PTPRD: variants seen among roughly 807,000 people sequenced by gnomAD.
PTPRD encodes the protein receptor-type tyrosine-protein phosphatase delta.
In PTPRD, 34 loss-of-function variants were observed where a neutral mutation model predicts 214.5. That is an observed-to-expected ratio of 0.16 (90% confidence interval 0.12 to 0.21). The LOEUF (loss-of-function observed/expected upper bound fraction) is 0.21, where lower values mean the gene tolerates loss of function less well. Ranked by LOEUF, PTPRD falls within the 10% of genes least tolerant of loss-of-function variation. The pLI is 1.00. For missense variants in PTPRD, 2,545 were observed against 2,398.7 expected (o/e 1.06, Z -1.27); for synonymous variants, 1,128 against 845.7 (o/e 1.33, Z -5.79).
intron 8 of PTPRD, among the ~76,000 whole-genome samples, chr9:9,555,267 A>G (rs895757393): frequency 1.3e-5 from 2 of 152,080 alleles, no homozygotes; most frequent in Non-Finnish European, 2.9e-5. Flanking sequence ...GGGCAGATAT[A>G]TGGCCACAGT....
At chr9:8,479,006 TAA>T (rs1349100123) in intron 30 of PTPRD, among the ~76,000 whole-genome samples, 17 of 152,286 alleles carry the variant, frequency 1.1e-4, no homozygotes, top group Admixed American at 1.1e-3. Flanking sequence ...TTCATCTAAA[TAA>T]AAGTTAGCAA....
chr9:9,462,072 T>G (rs1225485308), intron 8 of PTPRD, among the ~76,000 whole-genome samples: 1 of 152,156 alleles, frequency 6.6e-6, no homozygotes, highest in African/African-American at 2.4e-5. Context: ...ATCTATGTCT[T>G]GTTTGTTATT....
intron 7 of PTPRD, among the ~76,000 whole-genome samples, chr9:9,727,566 C>A (rs887863468): frequency 2.0e-5 from 3 of 152,152 alleles, no homozygotes; most frequent in African/African-American, 7.2e-5. Context: ...ATCACTCTTC[C>A]ATGTAGTCCA....
At chr9:8,591,056 C>A in intron 14 of PTPRD, among the ~76,000 whole-genome samples, 1 of 152,104 alleles carries the variant, frequency 6.6e-6, no homozygotes, top group South Asian at 2.1e-4. Context: ...TCAGAGCCAG[C>A]AAAGGCCAGC....
intron 10 of PTPRD, among the ~76,000 whole-genome samples, chr9:9,041,886 C>T (rs886611997): frequency 2.8e-4 from 43 of 152,120 alleles, no homozygotes; most frequent in African/African-American, 1.0e-3. Flanking sequence ...TTTACATTTC[C>T]CTTAGAATTA....
At chr9:9,172,107 C>T (rs2099921831) in intron 10 of PTPRD, among the ~76,000 whole-genome samples, 2 of 152,090 alleles carry the variant, frequency 1.3e-5, no homozygotes, top group Admixed American at 1.3e-4. Flanking sequence ...TCTTAGTACA[C>T]TAAGTATTCT....
At chr9:10,478,921 A>T (rs1346016191) in intron 2 of PTPRD, among the ~76,000 whole-genome samples, 2 of 152,000 alleles carry the variant, frequency 1.3e-5, no homozygotes, top group Non-Finnish European at 2.9e-5. Context: ...CTAAAATATA[A>T]ATCTATTTAT....
chr9:8,921,494 A>ATT (rs139667595), intron 11 of PTPRD, among the ~76,000 whole-genome samples: 1 of 147,830 alleles, frequency 6.8e-6, no homozygotes, highest in East Asian at 2.0e-4. Context: ...AAGTTTTCGC[A>ATT]TTTTTTTTTT....
At chr9:8,365,554 G>A (rs1282202286) in intron 39 of PTPRD, among the ~76,000 whole-genome samples, 1 of 152,130 alleles carries the variant, frequency 6.6e-6, no homozygotes, top group African/African-American at 2.4e-5. Flanking sequence ...TAGCCAGGCT[G>A]ATGAGCATGG....
At chr9:8,389,709 A>T (rs898873752) in intron 36 of PTPRD, among the ~76,000 whole-genome samples, 19 of 152,206 alleles carry the variant, frequency 1.2e-4, no homozygotes, top group African/African-American at 4.6e-4. Context: ...TGGCAAAAAA[A>T]ATAGTTTCCA....
At chr9:9,163,705 C>T (rs1407888477) in intron 10 of PTPRD, among the ~76,000 whole-genome samples, 1 of 152,142 alleles carries the variant, frequency 6.6e-6, no homozygotes, top group African/African-American at 2.4e-5. Context: ...AAACCTCTAA[C>T]CATTTAATAA....
chr9:10,031,647 T>TACACAC (rs1555494944), intron 4 of PTPRD, among the ~76,000 whole-genome samples: 75 of 89,510 alleles, frequency 8.4e-4, no homozygotes, highest in African/African-American at 5.6e-3. Flanking sequence ...TATATATATA[T>TACACAC]ACACACACAC....
At chr9:8,838,616 A>G (rs759329681) in intron 11 of PTPRD, among the ~76,000 whole-genome samples, 1 of 149,878 alleles carries the variant, frequency 6.7e-6, no homozygotes, top group African/African-American at 2.4e-5. Context: ...AGTTTGACAG[A>G]TTTTTTTTTT....
chr9:9,491,095 G>A (rs574597008), intron 8 of PTPRD, among the ~76,000 whole-genome samples: 1 of 151,848 alleles, frequency 6.6e-6, no homozygotes, highest in South Asian at 2.1e-4. Context: ...GAAAGTTAAA[G>A]GATGGAAAAA....
At position 9,328,618 on chromosome 9, in the gene PTPRD, C is replaced by CTTTTTTTT. The variant is rs869076374; in HGVS notation, c.-203+68823_-203+68830dup. ...ACATTTTCTTTTGTTGTTGTTCTTGCTTTTTTTTTTTTTTTTTTTTTTTTT... is the reference window on the plus strand; with the variant it reads ...ACATTTTCTTTTGTTGTTGTTCTTGCTTTTTTTTTTTTTTTTTTTTTTTTTTTTTTTTT... On this transcript the variant is annotated intron_variant, in intron 9 of 45. Coordinates refer to ENST00000381196, the MANE Select transcript of PTPRD (RefSeq NM_002839.4). 1.0e-3 allele frequency among the ~76,000 whole-genome samples: 29 copies of CTTTTTTTT among 28,228 alleles called. 8 individuals are homozygous for CTTTTTTTT. Among genetic ancestry groups the CTTTTTTTT allele is most frequent in the Non-Finnish European group, 1.2e-3 (18 of 15,452 alleles). The allele number at this position is 28,228 out of a possible 152,430, so 18.5% of individuals were successfully genotyped here.
intron 4 of PTPRD, among the ~76,000 whole-genome samples, chr9:10,016,357 T>TTAGATAGATAGATAGA (rs1555471278): frequency 1.1e-4 from 11 of 97,292 alleles, no homozygotes; most frequent in Admixed American, 5.7e-4. Flanking sequence ...GATAGAAAGA[T>TTAGATAGATAGATAGA]TAGATAGATA....
intron 14 of PTPRD, among the ~76,000 whole-genome samples, chr9:8,587,019 G>A (rs1033493750): frequency 2.2e-4 from 34 of 152,096 alleles, no homozygotes; most frequent in Middle Eastern, 3.4e-3. Context: ...TGGTGGTGGC[G>A]GGTGCCTGTA....
chr9:10,566,845 T>G (rs2065789354), intron 2 of PTPRD, among the ~76,000 whole-genome samples: 1 of 152,112 alleles, frequency 6.6e-6, no homozygotes, highest in Non-Finnish European at 1.5e-5. Flanking sequence ...GAATGTGGAA[T>G]GAGTAGGGTT....
intron 33 of PTPRD, among the ~76,000 whole-genome samples, chr9:8,458,583 T>A (rs973157204): frequency 7.2e-5 from 11 of 152,152 alleles, no homozygotes; most frequent in African/African-American, 2.7e-4. Context: ...ACCACTGCTT[T>A]TTATTATTGA....
Sources: allele counts gnomAD v4.1 joint callset (sites outside exome capture counted in the v4.1 genomes callset), GRCh38; gene constraint gnomAD v4.1.1; transcripts MANE v1.5; gene names NCBI Gene and HGNC (gene_info 2026-07-23, HGNC 2026-07-21).